The following RPH3A variants were observed in gnomAD, a reference collection of about 807,000 sequenced individuals.
RPH3A encodes the protein rabphilin-3A.
A neutral mutation model predicts 102.2 loss-of-function variants in RPH3A; 48 were observed. That is an observed-to-expected ratio of 0.47 (90% CI 0.37 to 0.60). RPH3A has a LOEUF of 0.60. Ranked by LOEUF, RPH3A falls within the 20% of genes least tolerant of loss-of-function variation. RPH3A has a pLI of 0.00. For missense variants in RPH3A, 781 were observed against 910.1 expected, an observed-to-expected ratio of 0.86 and a Z score of 1.83; for synonymous variants, 310 against 324.3, an observed-to-expected ratio of 0.96 and a Z score of 0.47.
At chr12:112,793,396 G>A (rs2041163471) in intron 2 of RPH3A, among the ~76,000 whole-genome samples, 1 of 152,184 alleles carries the variant, frequency 6.6e-6, no homozygotes, top group South Asian at 2.1e-4. Context: ...TCTTGCTCTT[G>A]GAGGTGGGAG....
At chr12:112,676,270 A>G (rs2040173645) in intron 1 of RPH3A, among the ~76,000 whole-genome samples, 1 of 151,854 alleles carries the variant, frequency 6.6e-6, no homozygotes, top group South Asian at 2.1e-4. Context: ...AGATGTTAAC[A>G]GGATGCATAC....
chr12:112,699,083 G>A lies in RPH3A; in HGVS notation c.-139-93060G>A, dbSNP rs1348096296. Reference sequence around the variant, plus strand: ...CGACAGGCATGTGTCACCACACCTGGCTAATTTTTGTATTTTTTCTAGAGA... The same window carrying A: ...CGACAGGCATGTGTCACCACACCTGACTAATTTTTGTATTTTTTCTAGAGA... On this transcript the variant is annotated intron_variant, in intron 1 of 21. Coordinates refer to the RPH3A transcript ENST00000543106. 2.0e-5 allele frequency among the ~76,000 whole-genome samples: 3 copies of A among 152,032 alleles called. No homozygotes were observed. The East Asian group carries it at 5.8e-4, about 29-fold the overall frequency.
At chr12:112,861,898 A>C (rs1407279570) in intron 5 of RPH3A, among the ~76,000 whole-genome samples, 5 of 151,446 alleles carry the variant, frequency 3.3e-5, no homozygotes, top group African/African-American at 1.2e-4. Context: ...CTGTAGTCCC[A>C]GCTACTTGGG....
intron 1 of RPH3A, among the ~76,000 whole-genome samples, chr12:112,598,738 TAGCAGCAGC>T (rs560942126): frequency 6.6e-6 from 1 of 151,944 alleles, no homozygotes; most frequent in African/African-American, 2.4e-5. Flanking sequence ...AAGTTACCAA[TAGCAGCAGC>T]AGCAGCAGCA....
rs145959874 is a variant in RPH3A, at chr12:112,744,953, A to G, written c.-139-47190A>G. Among the ~76,000 whole-genome samples the G allele has an allele frequency of 4.7e-3, 714 of 152,308 alleles. 3 individuals are homozygous for G. The highest frequency in any genetic ancestry group is 0.015 in the African/African-American group (641 of 41,572). Reference sequence around the variant, plus strand: ...GGGAATTTACCATCTCTCCAACATTATCATCTAATCCACAGCTTATTTTCA... The same window carrying G: ...GGGAATTTACCATCTCTCCAACATTGTCATCTAATCCACAGCTTATTTTCA... On this transcript the variant is annotated intron_variant, in intron 1 of 21. Coordinates refer to the RPH3A transcript ENST00000543106.
intron 16 of RPH3A, among the ~76,000 whole-genome samples, chr12:112,884,928 A>C (rs184045356): frequency 2.4e-4 from 37 of 152,222 alleles, no homozygotes; most frequent in Admixed American, 2.4e-3. Flanking sequence ...AGGACAAGTT[A>C]ATTTTGTCTG....
intron 1 of RPH3A, among the ~76,000 whole-genome samples, chr12:112,766,002 G>C (rs1565874060): frequency 6.6e-6 from 1 of 152,124 alleles, no homozygotes; most frequent in Non-Finnish European, 1.5e-5. Context: ...GTGCTTCTCT[G>C]CTTCATTTTA....
At chr12:112,634,636 C>G (rs991671686) in intron 1 of RPH3A, among the ~76,000 whole-genome samples, 5 of 151,538 alleles carry the variant, frequency 3.3e-5, no homozygotes, top group African/African-American at 4.9e-5. Context: ...TGATAAGTAT[C>G]TCCTTAAATG....
intron 2 of RPH3A, among the ~76,000 whole-genome samples, chr12:112,805,351 A>G (rs1356450843): frequency 5.9e-5 from 9 of 152,128 alleles, no homozygotes; most frequent in Admixed American, 5.2e-4. Flanking sequence ...CTCAAGGCCT[A>G]TCCCCAGAAA....
At chr12:112,720,751 T>C (rs2040545127) in intron 1 of RPH3A, among the ~76,000 whole-genome samples, 1 of 152,218 alleles carries the variant, frequency 6.6e-6, no homozygotes, top group South Asian at 2.1e-4. Context: ...TCCAATCCTA[T>C]GCTTGTGTCA....
At chr12:112,672,246 C>T (rs1183137012) in intron 1 of RPH3A, among the ~76,000 whole-genome samples, 1 of 152,074 alleles carries the variant, frequency 6.6e-6, no homozygotes, top group African/African-American at 2.4e-5. Flanking sequence ...ATTTCTTCTT[C>T]TTTGGGGGAC....
chr12:112,608,297 G>T (rs1275992823), intron 1 of RPH3A, among the ~76,000 whole-genome samples: 3 of 151,796 alleles, frequency 2.0e-5, no homozygotes, highest in Non-Finnish European at 4.4e-5. Flanking sequence ...TGTATTTTTA[G>T]TAGAGATGGG....
intron 1 of RPH3A, among the ~76,000 whole-genome samples, chr12:112,661,365 C>G (rs765937731): frequency 4.6e-5 from 7 of 152,132 alleles, no homozygotes; most frequent in Non-Finnish European, 1.0e-4. Context: ...GAGCTACTCC[C>G]TAAGCCTTAG....
rs1219295057 is a variant in RPH3A at position 112,891,116 on chromosome 12, A to G, written c.1775+113A>G. On this transcript the variant is annotated intron_variant, in intron 19 of 21. Transcript: ENST00000389385. ...TTGTACACTGAGACCCAGAGAGGGCAAGGAACCTGCCCAAGGTCACAGTGA... is the reference window on the plus strand; with the variant it reads ...TTGTACACTGAGACCCAGAGAGGGCGAGGAACCTGCCCAAGGTCACAGTGA... 4 of 1,248,478 alleles carry G rather than the reference A, an allele frequency of 3.2e-6. No homozygotes were observed. In the African/African-American group the frequency reaches 4.5e-5, roughly 14 times the overall value. 77.3% of individuals were successfully genotyped at this position (1,248,478 alleles called of 1,614,324 possible).
At chr12:112,809,789 AAAC>A (rs1210737014) in intron 2 of RPH3A, among the ~76,000 whole-genome samples, 1 of 152,202 alleles carries the variant, frequency 6.6e-6, no homozygotes, top group Non-Finnish European at 1.5e-5. Flanking sequence ...ACTTTATGTC[AAAC>A]AGGTCCCTAG....
chr12:112,797,147 C>T (rs2041248618), intron 2 of RPH3A, among the ~76,000 whole-genome samples: 1 of 152,168 alleles, frequency 6.6e-6, no homozygotes, highest in Admixed American at 6.5e-5. Context: ...CTCCCCGAGT[C>T]ACCCAAAGAT....
intron 1 of RPH3A, among the ~76,000 whole-genome samples, chr12:112,593,094 G>A (rs1043927502): frequency 6.6e-6 from 1 of 152,124 alleles, no homozygotes; most frequent in Non-Finnish European, 1.5e-5. Flanking sequence ...CCTGAGAGTG[G>A]TGCCCTTATG....
chr12:112,801,268 A>G (rs1175453823), intron 2 of RPH3A, among the ~76,000 whole-genome samples: 2 of 152,218 alleles, frequency 1.3e-5, no homozygotes, highest in Admixed American at 6.5e-5. Flanking sequence ...TAAGGATGAA[A>G]GCAGGAGAAG....
intron 1 of RPH3A, among the ~76,000 whole-genome samples, chr12:112,693,021 G>A (rs1438076904): frequency 1.1e-4 from 17 of 152,230 alleles, no homozygotes. Context: ...GGGAAGGACT[G>A]GGTGCCATTC....
Sources: allele counts gnomAD v4.1 joint callset (sites outside exome capture counted in the v4.1 genomes callset), GRCh38; gene constraint gnomAD v4.1.1; transcripts MANE v1.5; gene names NCBI Gene and HGNC (gene_info 2026-07-23, HGNC 2026-07-21).